The following EDIL3 variants were observed in gnomAD, a reference collection of about 807,000 sequenced individuals.
The protein encoded by EDIL3 is EGF-like repeat and discoidin I-like domain-containing protein 3.
In EDIL3, 37 loss-of-function variants were observed where a neutral mutation model predicts 67.4. That is an observed-to-expected ratio of 0.55 (90% CI 0.42 to 0.72). EDIL3 has a LOEUF of 0.72. EDIL3 is among the 30% of genes least tolerant of loss of function. EDIL3 has a pLI of 0.00. For synonymous variants in EDIL3, 195 were observed against 196.3 expected, an observed-to-expected ratio of 0.99 and a Z score of 0.05; for missense variants, 527 against 586.3, an observed-to-expected ratio of 0.90 and a Z score of 1.04.
intron 6 of EDIL3, among the ~76,000 whole-genome samples, chr5:84,102,894 C>T (rs970097725): frequency 6.6e-6 from 1 of 151,644 alleles, no homozygotes; most frequent in South Asian, 2.1e-4. Flanking sequence ...ATAGCCAAGA[C>T]AATCCTGAAG....
chr5:84,283,462 G>A (rs1317387807), intron 1 of EDIL3, among the ~76,000 whole-genome samples: 2 of 152,140 alleles, frequency 1.3e-5, no homozygotes, highest in Non-Finnish European at 2.9e-5. Context: ...TTCTATTTTT[G>A]AAGCAAAGTG....
At chr5:84,321,875 C>G (rs1034683797) in intron 1 of EDIL3, among the ~76,000 whole-genome samples, 4 of 152,000 alleles carry the variant, frequency 2.6e-5, no homozygotes, top group Non-Finnish European at 4.4e-5. Context: ...TCTATTTTTC[C>G]CATTTTTGCA....
chr5:84,149,011 G>C (rs1333262537), intron 4 of EDIL3, among the ~76,000 whole-genome samples: 1 of 148,046 alleles, frequency 6.8e-6, no homozygotes, highest in East Asian at 2.0e-4. Context: ...AAATACGTGA[G>C]ACAACAGTGT....
At chr5:84,375,998 A>C (rs1443724547) in intron 1 of EDIL3, among the ~76,000 whole-genome samples, 2 of 152,182 alleles carry the variant, frequency 1.3e-5, no homozygotes, top group East Asian at 3.8e-4. Flanking sequence ...ACAAATAATA[A>C]AATCATTTAA....
intron 1 of EDIL3, among the ~76,000 whole-genome samples, chr5:84,379,071 T>G (rs1297040359): frequency 6.6e-6 from 1 of 151,892 alleles, no homozygotes; most frequent in South Asian, 2.1e-4. Context: ...AGAGAGAAAT[T>G]TTTATCCTAG....
chr5:84,297,853 C>T (rs1746082287), intron 1 of EDIL3, among the ~76,000 whole-genome samples: 1 of 152,132 alleles, frequency 6.6e-6, no homozygotes, highest in African/African-American at 2.4e-5. Flanking sequence ...AACAAGGAGC[C>T]AGCAAGTCTA....
chr5:84,326,227 C>T (rs1464037021), intron 1 of EDIL3, among the ~76,000 whole-genome samples: 1 of 152,030 alleles, frequency 6.6e-6, no homozygotes, highest in Non-Finnish European at 1.5e-5. Flanking sequence ...GGCTTCCTAG[C>T]TTCCAAAACT....
intron 1 of EDIL3, among the ~76,000 whole-genome samples, chr5:84,341,670 T>C (rs1747118620): frequency 6.6e-6 from 1 of 152,024 alleles, no homozygotes; most frequent in Admixed American, 6.6e-5. Context: ...AGCAAATTAA[T>C]CTAACCTAAA....
chr5:84,285,244 C>T (rs1745787170), intron 1 of EDIL3, among the ~76,000 whole-genome samples: 1 of 152,132 alleles, frequency 6.6e-6, no homozygotes, highest in Non-Finnish European at 1.5e-5. Context: ...TGATAAAATG[C>T]TATCATTAAT....
At chr5:84,297,752 G>T (rs747971784) in intron 1 of EDIL3, among the ~76,000 whole-genome samples, 2 of 152,202 alleles carry the variant, frequency 1.3e-5, no homozygotes, top group Non-Finnish European at 2.9e-5. Context: ...ATGATTTACA[G>T]CTGTGATGGT....
At chr5:84,007,095 A>G (rs1745431354) in intron 9 of EDIL3, among the ~76,000 whole-genome samples, 2 of 152,182 alleles carry the variant, frequency 1.3e-5, no homozygotes, top group Non-Finnish European at 2.9e-5. Flanking sequence ...CAGAAGAATA[A>G]GACTAGACCA....
intron 9 of EDIL3, among the ~76,000 whole-genome samples, chr5:83,999,510 A>G (rs1016855243): frequency 7.2e-5 from 11 of 152,162 alleles, no homozygotes; most frequent in African/African-American, 2.2e-4. Context: ...AATGGAATGC[A>G]TCAGAGTTTT....
chr5:83,985,162 A>C (rs2112153179), intron 9 of EDIL3, among the ~76,000 whole-genome samples: 1 of 151,752 alleles, frequency 6.6e-6, no homozygotes, highest in Admixed American at 6.6e-5. Flanking sequence ...TTTCATGCTA[A>C]TCGTATGCTA....
intron 10 of EDIL3, among the ~76,000 whole-genome samples, chr5:83,945,123 T>C (rs1013449023): frequency 6.6e-6 from 1 of 152,022 alleles, no homozygotes; most frequent in South Asian, 2.1e-4. Context: ...CTGGTTCTGC[T>C]GGCATATCTA....
intron 1 of EDIL3, among the ~76,000 whole-genome samples, chr5:84,334,878 T>C (rs1433947278): frequency 6.6e-6 from 1 of 152,206 alleles, no homozygotes; most frequent in Non-Finnish European, 1.5e-5. Flanking sequence ...CTATAAAATT[T>C]TAAACTAAAT....
At chr5:83,990,879 C>CAATA (rs200045595) in intron 9 of EDIL3, among the ~76,000 whole-genome samples, 6,118 of 140,280 alleles carry the variant, frequency 0.044, 127 homozygotes, top group Middle Eastern at 0.066. Flanking sequence ...GACTCTGTCT[C>CAATA]AATAAATAAA....
intron 3 of EDIL3, among the ~76,000 whole-genome samples, chr5:84,223,859 T>C (rs1333984027): frequency 2.6e-5 from 4 of 151,474 alleles, no homozygotes. Flanking sequence ...TATATGTATT[T>C]AACACATCAC....
chr5:84,240,623 A>G (rs575595794), intron 2 of EDIL3, among the ~76,000 whole-genome samples: 1 of 152,198 alleles, frequency 6.6e-6, no homozygotes, highest in Non-Finnish European at 1.5e-5. Flanking sequence ...CCTTAATCTA[A>G]TGCCTGATGA....
At chr5:84,357,144 T>TG (rs1262455041) in intron 1 of EDIL3, among the ~76,000 whole-genome samples, 2 of 151,918 alleles carry the variant, frequency 1.3e-5, no homozygotes, top group Admixed American at 1.3e-4. Flanking sequence ...AGGCTAGTGT[T>TG]GAACACCTGA....
Sources: allele counts gnomAD v4.1 joint callset (sites outside exome capture counted in the v4.1 genomes callset), GRCh38; gene constraint gnomAD v4.1.1; transcripts MANE v1.5; gene names NCBI Gene and HGNC (gene_info 2026-07-23, HGNC 2026-07-21).